ZNF892: variants seen among roughly 807,000 people sequenced by gnomAD.
The protein encoded by ZNF892 is zinc finger protein 892.
the ZNF892 span, among the ~76,000 whole-genome samples, chr2:95,229,290 G>T: frequency 6.6e-6 from 1 of 152,152 alleles, no homozygotes; most frequent in African/African-American, 2.4e-5. Flanking sequence ...TTAATTGAGG[G>T]TTAACATTCG....
the ZNF892 span, among the ~76,000 whole-genome samples, chr2:95,229,456 G>T: frequency 6.6e-6 from 1 of 151,882 alleles, no homozygotes; most frequent in Non-Finnish European, 1.5e-5. Flanking sequence ...CCACCTCATT[G>T]TCCCAATGCC....
At chr2:95,256,418 G>A in the ZNF892 span, among the ~76,000 whole-genome samples, 1 of 152,212 alleles carries the variant, frequency 6.6e-6, no homozygotes, top group Non-Finnish European at 1.5e-5. Context: ...TTTCTGGCTT[G>A]TAGAGTTTCT....
the ZNF892 span, among the ~76,000 whole-genome samples, chr2:95,220,817 G>T: frequency 8.4e-4 from 128 of 152,278 alleles, 1 homozygote; most frequent in Middle Eastern, 3.4e-3. Context: ...TTAATTGTAG[G>T]TTATAAACTG....
the ZNF892 span, among the ~76,000 whole-genome samples, chr2:95,256,908 T>C: frequency 6.6e-6 from 1 of 152,228 alleles, no homozygotes; most frequent in African/African-American, 2.4e-5. Flanking sequence ...TCTTGTGCCG[T>C]GGTTTTCAGC....
the ZNF892 span, among the ~76,000 whole-genome samples, chr2:95,206,649 C>T: frequency 1.3e-5 from 2 of 152,196 alleles, no homozygotes; most frequent in African/African-American, 4.8e-5. Context: ...GACACGAACT[C>T]AAGGCTTTAT....
chr2:95,215,046 T>C, the ZNF892 span: 1 of 512,180 alleles, frequency 2.0e-6, no homozygotes, highest in East Asian at 3.1e-5. Context: ...GTGTAATGAA[T>C]GTGGGAAGGC....
At chr2:95,211,787 G>A in the ZNF892 span, 4 of 398,028 alleles carry the variant, frequency 1.0e-5, no homozygotes, top group African/African-American at 2.1e-5. Flanking sequence ...TCAGTTCCTA[G>A]GAGCTCCAAG....
the ZNF892 span, among the ~76,000 whole-genome samples, chr2:95,208,054 C>T: frequency 2.6e-5 from 4 of 152,312 alleles, no homozygotes; most frequent in African/African-American, 7.2e-5. Flanking sequence ...AATATCAACA[C>T]ATCTGACAAT....
the ZNF892 span, among the ~76,000 whole-genome samples, chr2:95,247,083 C>G: frequency 6.6e-6 from 1 of 152,300 alleles, no homozygotes; most frequent in Admixed American, 6.5e-5. Context: ...AAGCTGGAAG[C>G]ATCACACTAC....
the ZNF892 span, among the ~76,000 whole-genome samples, chr2:95,219,300 C>T: frequency 1.3e-3 from 205 of 152,212 alleles, 5 homozygotes; most frequent in South Asian, 0.041. Flanking sequence ...GCCACCGCCC[C>T]GGCCAAGTAT....
At chr2:95,207,165 C>T in the ZNF892 span, among the ~76,000 whole-genome samples, 1 of 152,356 alleles carries the variant, frequency 6.6e-6, no homozygotes, top group East Asian at 1.9e-4. Flanking sequence ...TGCATGGAGG[C>T]GCAGCAGCGA....
the ZNF892 span, among the ~76,000 whole-genome samples, chr2:95,232,907 AC>A: frequency 1.2e-5 from 1 of 80,230 alleles, no homozygotes; most frequent in Admixed American, 1.4e-4. Flanking sequence ...CATAATGGGT[AC>A]TAAGTACAGG....
chr2:95,213,210 C>T, the ZNF892 span, among the ~76,000 whole-genome samples: 7 of 152,214 alleles, frequency 4.6e-5, no homozygotes, highest in Admixed American at 4.6e-4. Context: ...AAGTCCCTCA[C>T]TATCCTCCAC....
chr2:95,210,110 T>C, the ZNF892 span, among the ~76,000 whole-genome samples: 1 of 150,092 alleles, frequency 6.7e-6, no homozygotes, highest in Admixed American at 6.7e-5. Flanking sequence ...TGTATATGTG[T>C]GTATATATGT....
the ZNF892 span, chr2:95,207,605 T>C: frequency 7.7e-6 from 3 of 389,204 alleles, no homozygotes; most frequent in African/African-American, 6.2e-5. Flanking sequence ...CCTCAGTGTG[T>C]GGCTGGAGGT....
the ZNF892 span, among the ~76,000 whole-genome samples, chr2:95,229,244 G>C: frequency 1.3e-5 from 2 of 152,118 alleles, no homozygotes; most frequent in Admixed American, 1.3e-4. Context: ...CCAGGTTCAC[G>C]GTATCACTAT....
At chr2:95,213,946 T>C in the ZNF892 span, among the ~76,000 whole-genome samples, 1 of 152,194 alleles carries the variant, frequency 6.6e-6, no homozygotes, top group African/African-American at 2.4e-5. Context: ...AGTGAGTCTT[T>C]GGAAGACCAT....
the ZNF892 span, among the ~76,000 whole-genome samples, chr2:95,246,194 T>C: frequency 2.6e-5 from 4 of 152,244 alleles, no homozygotes; most frequent in Non-Finnish European, 4.4e-5. Flanking sequence ...ATCTCCAGGA[T>C]GCAAGGTTGG....
At chr2:95,258,404 G>C in the ZNF892 span, among the ~76,000 whole-genome samples, 1 of 152,184 alleles carries the variant, frequency 6.6e-6, no homozygotes, top group Non-Finnish European at 1.5e-5. Context: ...TGGAGCAAGG[G>C]TTGGGGGCTA....
Sources: allele counts gnomAD v4.1 joint callset (sites outside exome capture counted in the v4.1 genomes callset), GRCh38; gene constraint gnomAD v4.1.1; transcripts MANE v1.5; gene names NCBI Gene and HGNC (gene_info 2026-07-23, HGNC 2026-07-21).